The following LRRTM1 variants were observed in gnomAD, a reference collection of about 807,000 sequenced individuals.
The protein encoded by LRRTM1 is leucine-rich repeat transmembrane neuronal protein 1.
A neutral mutation model predicts 37.3 loss-of-function variants in LRRTM1; 8 were observed. The ratio of observed to expected loss-of-function variants is 0.21; its 90% CI spans 0.13 to 0.39. LRRTM1 has a LOEUF of 0.39. LRRTM1 is among the 10% of genes least tolerant of loss of function. The probability of loss-of-function intolerance (pLI) is 1.00; values close to 1 mark genes in which losing one functional copy is unlikely to be tolerated. For missense variants in LRRTM1, 557 were observed against 691.0 expected (o/e 0.81, Z 2.17); for synonymous variants, 326 against 316.8 (o/e 1.03, Z -0.31).
Position 80,303,450 on chromosome 2 carries a change from G to C in LRRTM1, c.370C>G (p.Gln124Glu), listed in dbSNP as rs764389942. 3 of 1,614,220 alleles carry C rather than the reference G, an allele frequency of 1.9e-6. No homozygotes were observed. The highest frequency in any genetic ancestry group is 2.2e-5 in the South Asian group (2 of 91,088). The change falls in exon 2 of 2, where the codon CAG (glutamine) becomes GAG (glutamate). Residue 124 changes from glutamine (Q) to glutamate (E), a missense_variant. Physicochemically the swap from Gln to Glu is conservative, Grantham distance 29 (BLOSUM62 2). Coordinates refer to ENST00000295057, the MANE Select transcript of LRRTM1 (RefSeq NM_178839.5). This position sits in a 1 kb window ranked among gnomAD's most constrained non-coding sequence, Gnocchi z 7.7. ...RVKELTLSSNQITQLPNTTFR... is the reference protein window; with the variant it reads ...RVKELTLSSNEITQLPNTTFR... The stretch of plus-strand genomic sequence containing the variant: ...GTGGTGTTGGGCAGTTGGGTGATCT[G>C]GTTGGAACTCAGCGTGAGTTCCTTA...
downstream of LRRTM1, chr2:80,299,609 A>G (rs1321964632): frequency 6.6e-6 from 1 of 152,208 alleles, no homozygotes; most frequent in Admixed American, 6.5e-5. Flanking sequence ...GATCTTCTAC[A>G]TACATGATGT....
intron 2 of LRRTM1, among the ~76,000 whole-genome samples, chr2:80,293,904 T>C (rs1262408956): frequency 1.3e-5 from 2 of 152,074 alleles, no homozygotes; most frequent in East Asian, 1.9e-4. Flanking sequence ...AGGCTTGGGA[T>C]TGGGGTGGAG....
intron 2 of LRRTM1, among the ~76,000 whole-genome samples, chr2:80,294,334 G>A (rs1675535577): frequency 6.6e-6 from 1 of 152,140 alleles, no homozygotes; most frequent in Admixed American, 6.5e-5. Flanking sequence ...CTAATTCTAA[G>A]TACACCGATG....
chr2:80,291,731 T>G (rs1285949146), intron 2 of LRRTM1, among the ~76,000 whole-genome samples: 1 of 152,144 alleles, frequency 6.6e-6, no homozygotes, highest in Admixed American at 6.5e-5. Flanking sequence ...AGCAAACAGC[T>G]CAGATGTGGA....
At chr2:80,296,008 T>G (rs1190693425) in intron 2 of LRRTM1, among the ~76,000 whole-genome samples, 1 of 152,166 alleles carries the variant, frequency 6.6e-6, no homozygotes, top group Non-Finnish European at 1.5e-5. Context: ...ATGTGCACCC[T>G]ACTCACCAGA....
rs149452279 is a variant in LRRTM1 at position 80,303,607 on chromosome 2, G to C, written c.213C>G (p.Ser71=). ...GCTCCGAGAGGCTGTTGTAGCGCAG[G>C]GACAAGCCCAGCAGGCCGGACAGGT... ...PHNLSGLLGL[S]LRYNSLSELR... Residue 71 remains serine, a synonymous_variant, in exon 2 of 2, where the codon TCC becomes TCG. Transcript: ENST00000295057. The surrounding 1 kb of genome is among the most constrained non-coding windows in gnomAD (Gnocchi z 7.7). 49 of 1,614,056 alleles carry C rather than the reference G, an allele frequency of 3.0e-5. No homozygotes were observed. The highest frequency in any genetic ancestry group is 6.7e-5 in the Admixed American group (4 of 60,010).
chr2:80,294,169 A>G (rs1172523165), intron 2 of LRRTM1, among the ~76,000 whole-genome samples: 2 of 152,206 alleles, frequency 1.3e-5, no homozygotes, highest in Non-Finnish European at 2.9e-5. Flanking sequence ...AGCAGTAACA[A>G]TGACCTTGGG....
At chr2:80,294,572 T>C (rs1573620203) in intron 2 of LRRTM1, among the ~76,000 whole-genome samples, 1 of 151,980 alleles carries the variant, frequency 6.6e-6, no homozygotes, top group African/African-American at 2.4e-5. Flanking sequence ...ATGCTGTGAG[T>C]AGGCAACCCG....
At chr2:80,301,415 G>C (rs2149204542), downstream of LRRTM1, among the ~76,000 whole-genome samples, 1 of 152,348 alleles carries the variant, frequency 6.6e-6, no homozygotes, top group Middle Eastern at 3.4e-3. Context: ...GGAGAATTAA[G>C]AACAGGTGGC....
chr2:80,294,733 A>G (rs1211658055), intron 2 of LRRTM1, among the ~76,000 whole-genome samples: 1 of 152,182 alleles, frequency 6.6e-6, no homozygotes, highest in Non-Finnish European at 1.5e-5. Context: ...TCCAGGAGTC[A>G]GTATTTATTG....
intron 2 of LRRTM1, among the ~76,000 whole-genome samples, chr2:80,292,971 CA>C (rs1398567392): frequency 6.6e-6 from 1 of 152,012 alleles, no homozygotes; most frequent in Non-Finnish European, 1.5e-5. Context: ...AACACTCAGA[CA>C]AAAAATGGCC....
chr2:80,302,045 T>C lies in LRRTM1; in HGVS notation c.*206A>G. ...ATAGACTGTCCTGAAGGTTGTGGGGTGGGGTTTTTTGTTGTGTTTTAATTC... is the reference window on the plus strand; with the variant it reads ...ATAGACTGTCCTGAAGGTTGTGGGGCGGGGTTTTTTGTTGTGTTTTAATTC... On this transcript the variant is annotated 3_prime_UTR_variant, in exon 2 of 2. Coordinates refer to ENST00000295057, the MANE Select transcript of LRRTM1 (RefSeq NM_178839.5). The surrounding 1 kb of genome is among the most constrained non-coding windows in gnomAD (Gnocchi z 6.4). 6.7e-6 allele frequency: 4 copies of C among 599,142 alleles called. No homozygotes were observed. In the South Asian group the frequency reaches 1.1e-4, roughly 16 times the overall value. The allele number at this position is 599,142 out of a possible 1,614,324, so 37.1% of individuals were successfully genotyped here. A position where few individuals can be genotyped will look rare whatever the true frequency, so the allele number is the denominator to read the frequency against.
intron 2 of LRRTM1, among the ~76,000 whole-genome samples, chr2:80,289,948 G>A (rs1675095089): frequency 6.6e-6 from 1 of 152,082 alleles, no homozygotes. Flanking sequence ...GAGTTTGAAG[G>A]ATATGGGCCT....
chr2:80,301,190 C>T (rs546281701), downstream of LRRTM1, among the ~76,000 whole-genome samples: 2 of 152,312 alleles, frequency 1.3e-5, no homozygotes, highest in South Asian at 4.1e-4. Context: ...CCTCATTCCC[C>T]ATAGAAACTA....
At chr2:80,295,292 G>A (rs1558977155) in intron 2 of LRRTM1, among the ~76,000 whole-genome samples, 2 of 151,500 alleles carry the variant, frequency 1.3e-5, no homozygotes, top group Admixed American at 6.6e-5. Context: ...TCTCATGTGC[G>A]GGTGAGTGTG....
chr2:80,303,296 A>G lies in LRRTM1; in HGVS notation c.524T>C (p.Phe175Ser). The change falls in exon 2 of 2, where the codon TTT becomes TCT. Residue 175 changes from phenylalanine (F) to serine (S), a missense_variant. Around this residue, in one of 5 missense-constraint regions of LRRTM1, gnomAD observed 200 missense variants for 249.9 expected, o/e 0.80. Coordinates refer to ENST00000295057, the MANE Select transcript of LRRTM1 (RefSeq NM_178839.5). The surrounding 1 kb of genome is among the most constrained non-coding windows in gnomAD (Gnocchi z 7.7). ...TLHMRANAIQ[F>S]VPVRIFQDCR... ...GTCCTGGAAGATGCGCACGGGCACA[A>G]ACTGGATGGCGTTGGCCCGCATATG... 1 of 1,613,630 alleles carries G rather than the reference A, an allele frequency of 6.2e-7. No homozygotes were observed. Among genetic ancestry groups the G allele is most frequent in the Non-Finnish European group, 8.5e-7 (1 of 1,180,018 alleles).
At position 80,303,651 on chromosome 2, in the gene LRRTM1, G is replaced by A. The variant is rs768820946; in HGVS notation, c.169C>T (p.Leu57Phe). The part of the protein sequence containing the change: ...GRLLYCEALN[L>F]TEAPHNLSGL... Reference sequence around the variant, plus strand: ...GACAGGTTGTGGGGCGCCTCGGTGAGGTTGAGCGCCTCGCAGTACAGCAGC... The same window carrying A: ...GACAGGTTGTGGGGCGCCTCGGTGAAGTTGAGCGCCTCGCAGTACAGCAGC... Residue 57 changes from leucine to phenylalanine, a missense_variant, in exon 2 of 2, where the codon CTC becomes TTC. By Grantham distance (22) the Leu-to-Phe change is conservative (BLOSUM62 0). Around this residue, in one of 5 missense-constraint regions of LRRTM1, gnomAD observed 140 missense variants for 138.1 expected, o/e 1.01. Transcript: ENST00000295057. This position sits in a 1 kb window ranked among gnomAD's most constrained non-coding sequence, Gnocchi z 7.7. 8.7e-6 allele frequency: 14 copies of A among 1,613,226 alleles called. No individual in the cohort carries two copies. Among genetic ancestry groups the A allele is most frequent in the East Asian group, 4.5e-5 (2 of 44,824 alleles).
intron 2 of LRRTM1, among the ~76,000 whole-genome samples, chr2:80,289,968 C>CTGTG (rs1675097417): frequency 6.6e-6 from 1 of 152,148 alleles, no homozygotes. Context: ...TCAAAAGTCA[C>CTGTG]TGTGTGTGAG....
At chr2:80,294,341 G>A (rs911084088) in intron 2 of LRRTM1, among the ~76,000 whole-genome samples, 8 of 152,192 alleles carry the variant, frequency 5.3e-5, no homozygotes, top group East Asian at 1.9e-4. Context: ...TAAGTACACC[G>A]ATGCTTGCAC....
Sources: allele counts gnomAD v4.1 joint callset (sites outside exome capture counted in the v4.1 genomes callset), GRCh38; gene constraint gnomAD v4.1.1; regional missense constraint gnomAD v4.1.1; non-coding constraint Gnocchi (gnomAD v3.1); transcripts MANE v1.5; gene names NCBI Gene and HGNC (gene_info 2026-07-23, HGNC 2026-07-21).